Variants in ANK2 observed in about 807,000 individuals in gnomAD.
The protein encoded by ANK2 is ankyrin 2.
ANK2 carries 83 observed loss-of-function variants against 360.5 expected under a neutral mutation model. The ratio of observed to expected loss-of-function variants is 0.23; its 90% CI spans 0.19 to 0.28. The LOEUF (loss-of-function observed/expected upper bound fraction) is 0.28, where lower values mean the gene tolerates loss of function less well. ANK2 is among the 10% of genes least tolerant of loss of function. The probability of loss-of-function intolerance (pLI) is 1.00; values close to 1 mark genes in which losing one functional copy is unlikely to be tolerated. For missense variants in ANK2, 4,201 were observed against 4,795.7 expected (o/e 0.88, Z 3.66); for synonymous variants, 1,740 against 1,759.5 (o/e 0.99, Z 0.28).
At chr4:112,868,543 A>AT (rs2071564401) in intron 1 of ANK2, among the ~76,000 whole-genome samples, 1 of 152,228 alleles carries the variant, frequency 6.6e-6, no homozygotes. Flanking sequence ...TCACCTCTTA[A>AT]TGGTCTCACT....
chr4:113,253,919 C>G lies in ANK2; in HGVS notation c.991-1816C>G, dbSNP rs79645665. ...GCAAGGTCTCTCACCTCTTTGAATT[C>G]CTCCCCTTATCCATCCTCCTCAATC... On this transcript the variant is annotated intron_variant, in intron 10 of 45. Transcript: ENST00000357077. 9.9e-3 allele frequency among the ~76,000 whole-genome samples: 1,505 copies of G among 152,276 alleles called. 33 individuals are homozygous for G. Among genetic ancestry groups the G allele is most frequent in the African/African-American group, 0.034 (1,425 of 41,554 alleles).
intron 1 of ANK2, among the ~76,000 whole-genome samples, chr4:112,896,455 A>G (rs548708681): frequency 6.6e-6 from 1 of 152,368 alleles, no homozygotes; most frequent in South Asian, 2.1e-4. Context: ...AACAAAATAG[A>G]AACCATTTTT....
chr4:112,830,182 A>G (rs2059411923), intron 1 of ANK2, among the ~76,000 whole-genome samples: 1 of 152,202 alleles, frequency 6.6e-6, no homozygotes, highest in Admixed American at 6.5e-5. Flanking sequence ...TTGTTCTACC[A>G]TAAAGTCATA....
intron 10 of ANK2, among the ~76,000 whole-genome samples, chr4:113,250,772 A>C (rs1308669460): frequency 1.2e-5 from 1 of 83,234 alleles, no homozygotes; most frequent in Non-Finnish European, 2.7e-5. Context: ...CCCCCGACAG[A>C]GTTGGTATCA....
At chr4:113,294,592 T>G (rs898956965) in intron 22 of ANK2, among the ~76,000 whole-genome samples, 1 of 152,188 alleles carries the variant, frequency 6.6e-6, no homozygotes, top group African/African-American at 2.4e-5. Flanking sequence ...TGTTGACATA[T>G]ATTGAAGTGA....
At chr4:113,365,229 G>C (rs748012906) in intron 41 of ANK2, 47 bp downstream of exon 41, 1 of 1,547,166 alleles carries the variant, frequency 6.5e-7, no homozygotes, top group East Asian at 2.3e-5. Context: ...GTGTGTGTGT[G>C]TGTTGTGTCT....
At chr4:113,258,587 C>G (rs1235995602) in intron 13 of ANK2, among the ~76,000 whole-genome samples, 176 bp downstream of exon 13, 4 of 152,082 alleles carry the variant, frequency 2.6e-5, no homozygotes, top group Admixed American at 6.5e-5. Flanking sequence ...TGAAAAGAAC[C>G]TGGATAGGGT....
At chr4:112,971,338 C>T (rs1244444413) in intron 2 of ANK2, among the ~76,000 whole-genome samples, 1 of 152,136 alleles carries the variant, frequency 6.6e-6, no homozygotes, top group African/African-American at 2.4e-5. Context: ...AACCTCTGTC[C>T]CAACTGAGTT....
intron 2 of ANK2, among the ~76,000 whole-genome samples, chr4:113,015,346 C>G (rs2056313529): frequency 1.3e-5 from 2 of 152,122 alleles, no homozygotes; most frequent in Non-Finnish European, 2.9e-5. Context: ...AGACTTAGCA[C>G]TAACCTAAAT....
intron 10 of ANK2, among the ~76,000 whole-genome samples, chr4:113,253,762 G>A (rs1174105737): frequency 6.6e-6 from 1 of 152,118 alleles, no homozygotes; most frequent in Non-Finnish European, 1.5e-5. Flanking sequence ...AGGACTGCAA[G>A]AGGCCCCTAA....
intron 33 of ANK2, among the ~76,000 whole-genome samples, chr4:113,342,814 C>A (rs1161146379): frequency 2.0e-5 from 3 of 152,106 alleles, no homozygotes; most frequent in African/African-American, 7.2e-5. Flanking sequence ...TGTCACCATG[C>A]ATTAAAGATT....
intron 45 of ANK2, among the ~76,000 whole-genome samples, chr4:113,378,432 T>C (rs1340548948): frequency 1.3e-5 from 2 of 152,208 alleles, no homozygotes; most frequent in Non-Finnish European, 2.9e-5. Flanking sequence ...TCTGACTCCC[T>C]GGGTTTTAGC....
chr4:112,757,656 A>G, the ANK2 span, among the ~76,000 whole-genome samples: 1 of 152,172 alleles, frequency 6.6e-6, no homozygotes, highest in African/African-American at 2.4e-5. Flanking sequence ...TAGGTAATCC[A>G]TGGTTTATGG....
At chr4:112,939,232 A>G (rs2094001411) in intron 2 of ANK2, among the ~76,000 whole-genome samples, 1 of 152,242 alleles carries the variant, frequency 6.6e-6, no homozygotes, top group Non-Finnish European at 1.5e-5. Flanking sequence ...GCTAATAGAC[A>G]TATTAGTGAA....
Position 113,185,947 on chromosome 4 carries a change from A to C in ANK2, c.187-10421A>C, listed in dbSNP as rs371184132. Among the ~76,000 whole-genome samples, 32 of 152,254 alleles carry C rather than the reference A, an allele frequency of 2.1e-4. 1 individual carries two copies. Among genetic ancestry groups the C allele is most frequent in the African/African-American group, 6.5e-4 (27 of 41,532 alleles). On this transcript the variant is annotated intron_variant, in intron 2 of 45. Coordinates refer to ENST00000357077, the MANE Select transcript of ANK2 (RefSeq NM_001148.6). ...CATATGGCTAGCCAGTTTTCCCCAC[A>C]CCATGTATTAAATAGGGAAGGCACA...
chr4:112,846,987 A>G (rs1358201945), intron 1 of ANK2, among the ~76,000 whole-genome samples: 2 of 152,202 alleles, frequency 1.3e-5, no homozygotes, highest in Non-Finnish European at 2.9e-5. Flanking sequence ...TGTACACAAC[A>G]GTTGTGCTGA....
the ANK2 span, among the ~76,000 whole-genome samples, chr4:112,749,629 T>C: frequency 1.3e-5 from 2 of 152,292 alleles, no homozygotes; most frequent in East Asian, 1.9e-4. Context: ...TTTCCTAGGA[T>C]TGTACCATGA....
chr4:113,093,894 C>T (rs928352659), intron 1 of ANK2, among the ~76,000 whole-genome samples: 3 of 152,154 alleles, frequency 2.0e-5, no homozygotes, highest in African/African-American at 4.8e-5. Flanking sequence ...ACCAAAATAT[C>T]AACTCTATGA....
intron 1 of ANK2, among the ~76,000 whole-genome samples, chr4:113,050,969 C>T (rs1447321203): frequency 1.3e-5 from 2 of 152,070 alleles, no homozygotes; most frequent in African/African-American, 4.8e-5. Context: ...TGGTATCATG[C>T]AATTTGATAG....
Sources: allele counts gnomAD v4.1 joint callset (sites outside exome capture counted in the v4.1 genomes callset), GRCh38; gene constraint gnomAD v4.1.1; transcripts MANE v1.5; gene names NCBI Gene and HGNC (gene_info 2026-07-23, HGNC 2026-07-21).